Variants in PIEZO2 observed in about 807,000 individuals in gnomAD.
PIEZO2 encodes piezo-type mechanosensitive ion channel component 2.
In PIEZO2, 172 loss-of-function variants were observed where a neutral mutation model predicts 337.3. That is an observed-to-expected ratio of 0.51 (90% confidence interval 0.45 to 0.58). The LOEUF is 0.58. Among genes scored for constraint, PIEZO2 ranks in the 20% least tolerant of loss-of-function variants. The probability of loss-of-function intolerance (pLI) is 0.00; values close to 1 mark genes in which losing one functional copy is unlikely to be tolerated. For missense variants in PIEZO2, 3,028 were observed against 3,391.3 expected (o/e 0.89, Z 2.66); for synonymous variants, 1,251 against 1,228.5 (o/e 1.02, Z -0.38).
intron 24 of PIEZO2, among the ~76,000 whole-genome samples, 180 bp downstream of exon 24, chr18:10,760,731 A>G (rs2038091058): frequency 1.3e-5 from 2 of 152,224 alleles, no homozygotes; most frequent in Admixed American, 6.5e-5. Context: ...TCAGCACCCA[A>G]ACTTGGAAAA....
rs1373354564 is a variant in PIEZO2 at position 10,766,364 on chromosome 18, T to C, written c.2947-3266A>G. ...GGAGGAGGACAATGACTATGACAAA[T>C]ACCTGGGCCACAACCAACACCTGAT... On this transcript the variant is annotated intron_variant, in intron 21 of 55. Coordinates refer to ENST00000674853, the MANE Select transcript of PIEZO2 (RefSeq NM_001378183.1). This position sits in a 1 kb window ranked among gnomAD's most constrained non-coding sequence, Gnocchi z 6.1. 6.6e-6 allele frequency among the ~76,000 whole-genome samples: 1 copy of C among 152,004 alleles called. No homozygotes were observed. The highest frequency in any genetic ancestry group is 1.9e-4 in the East Asian group (1 of 5,154).
chr18:10,725,144 T>G lies in PIEZO2; in HGVS notation c.5029+6263A>C, dbSNP rs567701175. The G allele has an allele frequency of 2.7e-4, 387 of 1,457,822 alleles. No homozygotes were observed. In the South Asian group the frequency reaches 4.1e-3, roughly 16 times the overall value. 90.3% of individuals were successfully genotyped at this position (1,457,822 alleles called of 1,614,324 possible). On this transcript the variant is annotated intron_variant, in intron 36 of 55. Transcript: ENST00000674853. ...TACCAGGAGCCCATGCCTATGGCTGTGCTGAAGTACTGCGAGGCCTCTGGA... is the reference window on the plus strand; with the variant it reads ...TACCAGGAGCCCATGCCTATGGCTGGGCTGAAGTACTGCGAGGCCTCTGGA...
At chr18:11,055,541 A>G (rs1412055406) in intron 2 of PIEZO2, among the ~76,000 whole-genome samples, 2 of 152,240 alleles carry the variant, frequency 1.3e-5, no homozygotes, top group East Asian at 3.8e-4. Context: ...AGAGAATTCC[A>G]GGCAAAGGGA....
intron 8 of PIEZO2, among the ~76,000 whole-genome samples, chr18:10,804,586 G>A (rs1486917985): frequency 6.6e-6 from 1 of 152,214 alleles, no homozygotes; most frequent in Admixed American, 6.5e-5. Context: ...CACTGATACT[G>A]GAGTGGAGTG....
In PIEZO2 at chr18:10,767,482, C is replaced by A. The variant is rs905438985; in HGVS notation, c.2946+2666G>T. 6.6e-6 allele frequency among the ~76,000 whole-genome samples: 1 copy of A among 151,574 alleles called. No homozygotes were observed. Among genetic ancestry groups the A allele is most frequent in the African/African-American group, 2.4e-5 (1 of 41,288 alleles). On this transcript the variant is annotated intron_variant, in intron 21 of 55. Coordinates refer to ENST00000674853, the MANE Select transcript of PIEZO2 (RefSeq NM_001378183.1). The surrounding 1 kb of genome is among the most constrained non-coding windows in gnomAD (Gnocchi z 4.2). The stretch of plus-strand genomic sequence containing the variant: ...GCTGCATCCTGCCTGTCCCCCAAGC[C>A]CCCAGTGCCAAGATGATGGGGCAGG...
chr18:10,842,175 T>C (rs984019555), intron 7 of PIEZO2, among the ~76,000 whole-genome samples: 1 of 150,810 alleles, frequency 6.6e-6, no homozygotes, highest in Non-Finnish European at 1.5e-5. Flanking sequence ...AAAGTTGGTG[T>C]GCATTTTTTT....
chr18:11,051,135 G>A (rs1394845036), intron 2 of PIEZO2, among the ~76,000 whole-genome samples: 1 of 152,060 alleles, frequency 6.6e-6, no homozygotes, highest in Admixed American at 6.6e-5. Context: ...CAACCCAATG[G>A]AAGAGACTTC....
chr18:10,915,552 C>T lies in PIEZO2; in HGVS notation c.287-4324G>A, dbSNP rs564365674. On this transcript the variant is annotated intron_variant, in intron 3 of 55. Coordinates refer to ENST00000674853, the MANE Select transcript of PIEZO2 (RefSeq NM_001378183.1). ...TATTTTAAATCAAGAGTGGCATTTC[C>T]CCCAAATTAACATAGCAATAAAACA... Among the ~76,000 whole-genome samples the T allele has an allele frequency of 5.2e-4, 79 of 152,238 alleles. No individual in the cohort carries two copies. In the South Asian group the frequency reaches 0.016, roughly 30 times the overall value.
intron 3 of PIEZO2, among the ~76,000 whole-genome samples, chr18:10,967,418 C>T (rs1445859362): frequency 6.6e-6 from 1 of 152,146 alleles, no homozygotes; most frequent in Non-Finnish European, 1.5e-5. Flanking sequence ...CATGTGTGTG[C>T]AAGCATTTTT....
rs902066132 is a variant in PIEZO2, at chr18:10,982,490, C to T, written c.161-2830G>A. Reference sequence around the variant, plus strand: ...TTCCCCAAAATTTAGTCTAAAAATTCAGTACAGTTTAAAATAAAATGCCAG... The same window carrying T: ...TTCCCCAAAATTTAGTCTAAAAATTTAGTACAGTTTAAAATAAAATGCCAG... On this transcript the variant is annotated intron_variant, in intron 2 of 55. Coordinates refer to ENST00000674853, the MANE Select transcript of PIEZO2 (RefSeq NM_001378183.1). This position sits in a 1 kb window ranked among gnomAD's most constrained non-coding sequence, Gnocchi z 4.1. 1.8e-4 allele frequency among the ~76,000 whole-genome samples: 27 copies of T among 152,056 alleles called. No homozygotes were observed. The highest frequency in any genetic ancestry group is 6.3e-4 in the African/African-American group (26 of 41,398).
At position 11,129,511 on chromosome 18, in the gene PIEZO2, A is replaced by G. The variant is rs1318296216; in HGVS notation, c.64+19014T>C. On this transcript the variant is annotated intron_variant, in intron 1 of 55. Coordinates refer to ENST00000674853, the MANE Select transcript of PIEZO2 (RefSeq NM_001378183.1). The surrounding 1 kb of genome is among the most constrained non-coding windows in gnomAD (Gnocchi z 4.6). ...AACAGAAAACTTCTAGGTCGAATGG[A>G]CAAAAGACTAATTTGAATTATAAAA... 1.3e-5 allele frequency among the ~76,000 whole-genome samples: 2 copies of G among 152,168 alleles called. No individual in the cohort carries two copies. The highest frequency in any genetic ancestry group is 2.9e-5 in the Non-Finnish European group (2 of 68,028).
At position 10,740,999 on chromosome 18, in the gene PIEZO2, G is replaced by T. The variant is rs375986658; in HGVS notation, c.4708+32C>A. On this transcript the variant is annotated intron_variant, in intron 33 of 55. Transcript: ENST00000674853. Reference sequence around the variant, plus strand: ...GGTCAAGGATATAAGGGTTAGAGTCGATGAGGTTGTAAGGGGATCGAGAAA... The same window carrying T: ...GGTCAAGGATATAAGGGTTAGAGTCTATGAGGTTGTAAGGGGATCGAGAAA... 5.2e-6 allele frequency: 8 copies of T among 1,529,656 alleles called. No individual in the cohort carries two copies. In the South Asian group the frequency reaches 9.5e-5, roughly 18 times the overall value. The allele number at this position is 1,529,656 out of a possible 1,614,324, so 94.8% of individuals were successfully genotyped here.
intron 3 of PIEZO2, among the ~76,000 whole-genome samples, chr18:10,924,149 C>T (rs1227863630): frequency 6.6e-6 from 1 of 152,232 alleles, no homozygotes; most frequent in Non-Finnish European, 1.5e-5. Context: ...AACACACACA[C>T]CCAACCCTTG....
intron 27 of PIEZO2, 32 bp downstream of exon 27, chr18:10,757,937 G>A: frequency 2.0e-6 from 3 of 1,510,792 alleles, no homozygotes; most frequent in Middle Eastern, 3.6e-4. Context: ...ACACATCAAA[G>A]TGGCTTTTAG....
chr18:10,786,889 A>G, intron 16 of PIEZO2, 147 bp downstream of exon 16: 1 of 813,308 alleles, frequency 1.2e-6, no homozygotes. Context: ...AGAGAACACA[A>G]AAACGACTCA....
At chr18:10,685,799 A>T (rs1402621519) in intron 49 of PIEZO2, among the ~76,000 whole-genome samples, 3 of 152,114 alleles carry the variant, frequency 2.0e-5, no homozygotes, top group Non-Finnish European at 2.9e-5. Context: ...CAGCTCTTGT[A>T]CCTAAAGGGC....
intron 18 of PIEZO2, among the ~76,000 whole-genome samples, chr18:10,776,510 G>T (rs1246438282): frequency 6.6e-6 from 1 of 152,198 alleles, no homozygotes; most frequent in East Asian, 1.9e-4. Context: ...ATTAAACTTA[G>T]ACTATGATTC....
rs373867464 is a variant in PIEZO2 at position 11,080,615 on chromosome 18, G to A, written c.65-14393C>T. 3.3e-5 allele frequency among the ~76,000 whole-genome samples: 5 copies of A among 152,372 alleles called. No homozygotes were observed. In the East Asian group the frequency reaches 5.8e-4, roughly 18 times the overall value. On this transcript the variant is annotated intron_variant, in intron 1 of 55. Coordinates refer to ENST00000674853, the MANE Select transcript of PIEZO2 (RefSeq NM_001378183.1). The surrounding 1 kb of genome is among the most constrained non-coding windows in gnomAD (Gnocchi z 5.4). ...AATCCCAGCACTTTGGGAGACCGAG[G>A]CGGGCAGATCATGAGGTCAGGAGAT...
chr18:10,868,825 C>A (rs1245640518), intron 5 of PIEZO2, among the ~76,000 whole-genome samples: 1 of 152,238 alleles, frequency 6.6e-6, no homozygotes, highest in African/African-American at 2.4e-5. Context: ...CATGACCTCA[C>A]AGCCGTGGCT....
Sources: allele counts gnomAD v4.1 joint callset (sites outside exome capture counted in the v4.1 genomes callset), GRCh38; gene constraint gnomAD v4.1.1; non-coding constraint Gnocchi (gnomAD v3.1); transcripts MANE v1.5; gene names NCBI Gene and HGNC (gene_info 2026-07-23, HGNC 2026-07-21).